DPYD: variants seen among roughly 807,000 people sequenced by gnomAD.
DPYD encodes the protein dihydropyrimidine dehydrogenase [NADP(+)].
A neutral mutation model predicts 116.2 loss-of-function variants in DPYD; 109 were observed. The ratio of observed to expected loss-of-function variants is 0.94; its 90% confidence interval spans 0.80 to 1.10. The LOEUF (loss-of-function observed/expected upper bound fraction) is 1.10, where lower values mean the gene tolerates loss of function less well. DPYD is among the 50% of genes least tolerant of loss of function. The probability of loss-of-function intolerance (pLI) is 0.00; values close to 1 mark genes in which losing one functional copy is unlikely to be tolerated. For missense variants in DPYD, 1,302 were observed against 1,254.5 expected, an observed-to-expected ratio of 1.04 and a Z score of -0.57; for synonymous variants, 440 against 432.0, an observed-to-expected ratio of 1.02 and a Z score of -0.23.
chr1:97,632,353 G>A (rs893049327), intron 8 of DPYD, among the ~76,000 whole-genome samples: 11 of 152,068 alleles, frequency 7.2e-5, no homozygotes, highest in Admixed American at 2.6e-4. Context: ...GTGTTCTAGA[G>A]CTATCTACCA....
At chr1:97,084,439 T>C (rs900855945) in intron 21 of DPYD, among the ~76,000 whole-genome samples, 2 of 151,886 alleles carry the variant, frequency 1.3e-5, no homozygotes, top group Admixed American at 1.3e-4. Flanking sequence ...TTTCTTCCTC[T>C]TTCTCACCTT....
chr1:97,876,684 T>C (rs1174388981), intron 2 of DPYD, among the ~76,000 whole-genome samples: 1 of 151,968 alleles, frequency 6.6e-6, no homozygotes, highest in African/African-American at 2.4e-5. Context: ...TAGAAATTTA[T>C]ACCTATTAGG....
At chr1:97,665,319 T>G (rs574076266) in intron 8 of DPYD, among the ~76,000 whole-genome samples, 2 of 152,298 alleles carry the variant, frequency 1.3e-5, no homozygotes, top group South Asian at 4.1e-4. Context: ...TATATTTTAG[T>G]AATTACAAAT....
chr1:97,098,095 G>A (rs1019007765), intron 21 of DPYD, among the ~76,000 whole-genome samples: 1 of 152,056 alleles, frequency 6.6e-6, no homozygotes, highest in Non-Finnish European at 1.5e-5. Context: ...ACTTTCAAGT[G>A]ATCACATTGA....
intron 18 of DPYD, among the ~76,000 whole-genome samples, chr1:97,269,486 C>T (rs144918126): frequency 5.1e-4 from 77 of 152,268 alleles, no homozygotes; most frequent in African/African-American, 1.7e-3. Flanking sequence ...TCACACTTCT[C>T]GGTACCAATT....
At chr1:97,097,032 C>T (rs1243329828) in intron 21 of DPYD, among the ~76,000 whole-genome samples, 1 of 152,102 alleles carries the variant, frequency 6.6e-6, no homozygotes, top group African/African-American at 2.4e-5. Flanking sequence ...CACACATTGG[C>T]AAAAAGGCTC....
At chr1:97,347,159 G>T (rs1293438979) in intron 16 of DPYD, among the ~76,000 whole-genome samples, 3 of 151,612 alleles carry the variant, frequency 2.0e-5, no homozygotes, top group Non-Finnish European at 3.0e-5. Context: ...GTACAATGTA[G>T]AATGAATATG....
intron 2 of DPYD, among the ~76,000 whole-genome samples, chr1:97,870,856 C>T (rs1671620304): frequency 6.6e-6 from 1 of 151,810 alleles, no homozygotes; most frequent in African/African-American, 2.4e-5. Flanking sequence ...CCATTGTCTA[C>T]CTATTCAGGC....
At chr1:97,440,807 T>C (rs1675745027) in intron 14 of DPYD, among the ~76,000 whole-genome samples, 1 of 152,226 alleles carries the variant, frequency 6.6e-6, no homozygotes, top group Non-Finnish European at 1.5e-5. Context: ...TGGTCTTTAT[T>C]CCATTGTGTA....
Position 97,184,036 on chromosome 1 carries a change from C to T in DPYD, c.2622+9033G>A, listed in dbSNP as rs140224429. The stretch of plus-strand genomic sequence containing the variant: ...TGGAGTGTTTAGTTTTCTGTTCCTG[C>T]ATTAGTTTGCTAAAAATAATGGCCT... On this transcript the variant is annotated intron_variant, in intron 20 of 22. Coordinates refer to ENST00000370192, the MANE Select transcript of DPYD (RefSeq NM_000110.4). Among the ~76,000 whole-genome samples the T allele has an allele frequency of 9.6e-3, 1,456 of 152,118 alleles. 20 individuals are homozygous for T. The highest frequency in any genetic ancestry group is 0.033 in the African/African-American group (1,361 of 41,530).
chr1:97,721,376 G>A (rs1252692736), intron 5 of DPYD, 134 bp downstream of exon 5: 7 of 1,091,060 alleles, frequency 6.4e-6, no homozygotes. Flanking sequence ...AAAGTTTGTT[G>A]TACAAAACAT....
At chr1:97,215,419 T>A (rs1439827703) in intron 19 of DPYD, among the ~76,000 whole-genome samples, 2 of 152,194 alleles carry the variant, frequency 1.3e-5, no homozygotes, top group Admixed American at 1.3e-4. Context: ...AAAGGTCATC[T>A]GAGTCCTTGC....
intron 6 of DPYD, among the ~76,000 whole-genome samples, chr1:97,693,270 G>A (rs1426044300): frequency 8.7e-5 from 10 of 114,922 alleles, no homozygotes; most frequent in Admixed American, 1.2e-4. Flanking sequence ...CAGCCTGGGC[G>A]ACAGAGCCAG....
chr1:97,598,943 T>G (rs1237141395), intron 8 of DPYD, among the ~76,000 whole-genome samples: 1 of 152,222 alleles, frequency 6.6e-6, no homozygotes, highest in Admixed American at 6.5e-5. Flanking sequence ...GCCTTTTTCA[T>G]GTTTAAGGTT....
intron 18 of DPYD, among the ~76,000 whole-genome samples, chr1:97,257,452 T>TATG (rs375490078): frequency 7.9e-6 from 1 of 126,474 alleles, no homozygotes; most frequent in East Asian, 2.5e-4. Context: ...TATATATATA[T>TATG]AGAGAGAGAG....
chr1:97,641,301 CAT>C (rs1362693437), intron 8 of DPYD, among the ~76,000 whole-genome samples: 1 of 151,886 alleles, frequency 6.6e-6, no homozygotes, highest in Non-Finnish European at 1.5e-5. Context: ...CTTTTGGAGA[CAT>C]ATATAATGAG....
intron 4 of DPYD, among the ~76,000 whole-genome samples, chr1:97,721,935 G>A (rs554101774): frequency 4.6e-5 from 7 of 151,576 alleles, no homozygotes; most frequent in African/African-American, 1.7e-4. Context: ...TATAATAAAT[G>A]TTCTGTAAAT....
chr1:97,541,767 G>A (rs1168805025), intron 12 of DPYD, among the ~76,000 whole-genome samples: 1 of 151,990 alleles, frequency 6.6e-6, no homozygotes, highest in African/African-American at 2.4e-5. Flanking sequence ...GAGAAATTAA[G>A]GAATTAAACT....
intron 20 of DPYD, among the ~76,000 whole-genome samples, chr1:97,188,447 A>G (rs925258689): frequency 6.6e-6 from 1 of 152,194 alleles, no homozygotes; most frequent in Non-Finnish European, 1.5e-5. Flanking sequence ...TTAATTCTAT[A>G]AACATGTAGC....
Sources: allele counts gnomAD v4.1 joint callset (sites outside exome capture counted in the v4.1 genomes callset), GRCh38; gene constraint gnomAD v4.1.1; transcripts MANE v1.5; gene names NCBI Gene and HGNC (gene_info 2026-07-23, HGNC 2026-07-21).